Variants in WDR19 observed in about 807,000 individuals in gnomAD.
WDR19 encodes WD repeat-containing protein 19.
Under a neutral mutation model 180.0 loss-of-function variants are expected in WDR19, and 121 were observed. The ratio of observed to expected loss-of-function variants is 0.67; its 90% confidence interval spans 0.58 to 0.78. The LOEUF (loss-of-function observed/expected upper bound fraction) is 0.78, where lower values mean the gene tolerates loss of function less well. WDR19 is among the 30% of genes least tolerant of loss of function. The pLI is 0.00. For synonymous variants in WDR19, 497 were observed against 540.7 expected, an observed-to-expected ratio of 0.92 and a Z score of 1.12; for missense variants, 1,450 against 1,640.7, an observed-to-expected ratio of 0.88 and a Z score of 2.01.
intron 17 of WDR19, among the ~76,000 whole-genome samples, chr4:39,230,656 T>C (rs1156320765): frequency 6.6e-6 from 1 of 152,204 alleles, no homozygotes; most frequent in African/African-American, 2.4e-5. Context: ...ATTTGTTTCC[T>C]TATCTGTCTC....
chr4:39,220,090 G>A (rs1166853342), intron 14 of WDR19, among the ~76,000 whole-genome samples: 1 of 151,990 alleles, frequency 6.6e-6, no homozygotes, highest in Non-Finnish European at 1.5e-5. Context: ...GCGTGGTCAT[G>A]TGTGCCTGTG....
At chr4:39,245,250 G>T in intron 23 of WDR19, 119 bp from the exon 24 acceptor site, 1 of 828,860 alleles carries the variant, frequency 1.2e-6, no homozygotes, top group Non-Finnish European at 1.8e-6. Context: ...CAGGAGCCAA[G>T]ATTTTTGAAA....
At position 39,184,410 on chromosome 4, in the gene WDR19, T is replaced by TA. The variant is rs200343461; in HGVS notation, c.7-1307dup. Among the ~76,000 whole-genome samples the TA allele has an allele frequency of 2.5e-3, 379 of 150,338 alleles. 2 individuals carry two copies. The highest frequency in any genetic ancestry group is 7.3e-3 in the South Asian group (34 of 4,688). On this transcript the variant is annotated intron_variant, in intron 1 of 36. Transcript: ENST00000399820. ...CTGGGCGACAGAGCAAGACGCTGTC[T>TA]AAAAAAAAATAAAAATAAAAATAAA...
At chr4:39,225,850 C>T (rs1730194858) in intron 15 of WDR19, among the ~76,000 whole-genome samples, 1 of 151,704 alleles carries the variant, frequency 6.6e-6, no homozygotes, top group African/African-American at 2.4e-5. Flanking sequence ...CCTTCCTTTC[C>T]TTCTCTTCTC....
At chr4:39,280,012 T>A (rs1736313547) in intron 36 of WDR19, among the ~76,000 whole-genome samples, 1 of 151,912 alleles carries the variant, frequency 6.6e-6, no homozygotes, top group Non-Finnish European at 1.5e-5. Context: ...CGGGTGTTTG[T>A]CTTTTTATTG....
chr4:39,278,666 G>A lies in WDR19; in HGVS notation c.*13+3G>A. On this transcript the variant is annotated splice_donor_region_variant and intron_variant, in intron 36 of 36. Transcript: ENST00000399820. ...GGAACTGTGATTGGCACGTGCAGGT[G>A]AGTGGCAGAGCGCCCACGCACCTTC... 6.3e-7 allele frequency: 1 copy of A among 1,586,852 alleles called. No individual in the cohort carries two copies. Among genetic ancestry groups the A allele is most frequent in the Non-Finnish European group, 8.6e-7 (1 of 1,159,098 alleles).
intron 3 of WDR19, among the ~76,000 whole-genome samples, chr4:39,189,045 C>G (rs1197745118): frequency 1.3e-5 from 2 of 152,082 alleles, no homozygotes; most frequent in Non-Finnish European, 2.9e-5. Context: ...GCCTCAGCCT[C>G]CCAAGTAGCT....
intron 24 of WDR19, among the ~76,000 whole-genome samples, chr4:39,252,194 T>C (rs1289816960): frequency 2.0e-5 from 3 of 151,846 alleles, no homozygotes; most frequent in Non-Finnish European, 4.4e-5. Context: ...AATGATGAGT[T>C]CATGTCCTTT....
intron 17 of WDR19, among the ~76,000 whole-genome samples, chr4:39,231,172 G>A (rs1203798103): frequency 6.6e-6 from 1 of 152,150 alleles, no homozygotes; most frequent in Non-Finnish European, 1.5e-5. Flanking sequence ...TTAGCCGGGT[G>A]TCATGGCATG....
Position 39,211,975 on chromosome 4 carries a change from G to T in WDR19, c.891-2626G>T, listed in dbSNP as rs58648856. On this transcript the variant is annotated intron_variant, in intron 9 of 36. Coordinates refer to ENST00000399820, the MANE Select transcript of WDR19 (RefSeq NM_025132.4). The stretch of plus-strand genomic sequence containing the variant: ...AGAGAGAGAGAGAGAGAGAGAGAGA[G>T]AGAGAGAGAGATAGATAGATGTAGA... Among the ~76,000 whole-genome samples, 221 of 94,214 alleles carry T rather than the reference G, an allele frequency of 2.3e-3. 3 individuals are homozygous for T. The highest frequency in any genetic ancestry group is 2.3e-3 in the African/African-American group (72 of 31,066). 61.8% of individuals were successfully genotyped at this position (94,214 alleles called of 152,430 possible). A position where few individuals can be genotyped will look rare whatever the true frequency, so the allele number is the denominator to read the frequency against.
chr4:39,231,204 G>T (rs554779117), intron 17 of WDR19, among the ~76,000 whole-genome samples: 1 of 151,778 alleles, frequency 6.6e-6, no homozygotes, highest in African/African-American at 2.4e-5. Context: ...CCAGCTATTC[G>T]GGAGGCTGAA....
At chr4:39,210,614 C>T (rs996478981) in intron 9 of WDR19, among the ~76,000 whole-genome samples, 1 of 152,110 alleles carries the variant, frequency 6.6e-6, no homozygotes, top group South Asian at 2.1e-4. Flanking sequence ...TTTGAGGTTG[C>T]AGTGAGCTGC....
chr4:39,283,762 G>A (rs1736831747), intron 36 of WDR19, among the ~76,000 whole-genome samples: 4 of 152,106 alleles, frequency 2.6e-5, no homozygotes, highest in Admixed American at 2.6e-4. Flanking sequence ...ATTCTTGCCT[G>A]AATCCAAGTT....
intron 24 of WDR19, among the ~76,000 whole-genome samples, chr4:39,252,363 T>TG (rs1427674700): frequency 1.8e-5 from 1 of 56,440 alleles, no homozygotes; most frequent in Admixed American, 2.7e-4. Flanking sequence ...TGTTGTGGGG[T>TG]GGGGGGAGGG....
chr4:39,227,273 A>G (rs1272756245), intron 15 of WDR19, among the ~76,000 whole-genome samples: 1 of 152,200 alleles, frequency 6.6e-6, no homozygotes, highest in Non-Finnish European at 1.5e-5. Flanking sequence ...TTTTGAGAGT[A>G]GGATGAGGCA....
chr4:39,251,641 C>G (rs1234233606), intron 24 of WDR19, among the ~76,000 whole-genome samples: 2 of 151,988 alleles, frequency 1.3e-5, no homozygotes, highest in Non-Finnish European at 2.9e-5. Flanking sequence ...CCAGAATCTA[C>G]AAAGAACTCA....
At chr4:39,196,997 A>G (rs2109272391) in intron 5 of WDR19, among the ~76,000 whole-genome samples, 1 of 152,352 alleles carries the variant, frequency 6.6e-6, no homozygotes, top group Middle Eastern at 3.4e-3. Context: ...CTCTGCTCTC[A>G]GTAACAGCTA....
intron 13 of WDR19, 98 bp downstream of exon 13, chr4:39,217,338 G>A: frequency 3.0e-6 from 3 of 987,444 alleles, no homozygotes. Context: ...AGGATGTACA[G>A]ACTAACTAGA....
intron 15 of WDR19, among the ~76,000 whole-genome samples, chr4:39,227,284 G>T (rs1026962261): frequency 3.3e-5 from 5 of 152,154 alleles, no homozygotes; most frequent in African/African-American, 1.2e-4. Context: ...GGATGAGGCA[G>T]ATATTTTTCA....
Sources: gnomAD v4.1 joint callset for allele counts (sites outside exome capture counted in the v4.1 genomes callset) on GRCh38, gnomAD v4.1.1 for gene constraint, MANE v1.5 for transcripts, NCBI Gene and HGNC (gene_info 2026-07-23, HGNC 2026-07-21) for gene names.